NELL1: variants seen among roughly 807,000 people sequenced by gnomAD.
NELL1 encodes neural EGFL like 1, also known as protein kinase C-binding protein NELL1.
Under a neutral mutation model 107.4 loss-of-function variants are expected in NELL1, and 76 were observed. The ratio of observed to expected loss-of-function variants is 0.71; its 90% CI spans 0.59 to 0.86. The LOEUF is 0.86. Among genes scored for constraint, NELL1 ranks in the 40% least tolerant of loss-of-function variants. The probability of loss-of-function intolerance (pLI) is 0.00; values close to 1 mark genes in which losing one functional copy is unlikely to be tolerated. For missense variants in NELL1, 1,024 were observed against 1,005.5 expected, an observed-to-expected ratio of 1.02 and a Z score of -0.25; for synonymous variants, 353 against 341.2, an observed-to-expected ratio of 1.03 and a Z score of -0.38.
intron 14 of NELL1, among the ~76,000 whole-genome samples, chr11:21,301,500 G>T (rs1849491421): frequency 6.6e-6 from 1 of 152,200 alleles, no homozygotes; most frequent in African/African-American, 2.4e-5. Flanking sequence ...GACCAGTGAT[G>T]ATGAGCATTT....
chr11:20,729,543 T>A (rs1855583273), intron 2 of NELL1, among the ~76,000 whole-genome samples: 1 of 152,214 alleles, frequency 6.6e-6, no homozygotes, highest in African/African-American at 2.4e-5. Flanking sequence ...TGGAAAGCTT[T>A]TTCTGTATAT....
chr11:21,028,243 A>G (rs1852866976), intron 12 of NELL1, among the ~76,000 whole-genome samples: 1 of 152,164 alleles, frequency 6.6e-6, no homozygotes, highest in Non-Finnish European at 1.5e-5. Context: ...AAAATAGCAC[A>G]TCAGCATTTT....
chr11:20,940,184 C>T (rs895143143), intron 10 of NELL1, among the ~76,000 whole-genome samples: 2 of 151,876 alleles, frequency 1.3e-5, no homozygotes, highest in African/African-American at 2.4e-5. Context: ...TTCCTCCCTC[C>T]CTCCGTCCCT....
chr11:21,423,650 C>A (rs1384041844), intron 15 of NELL1, among the ~76,000 whole-genome samples: 1 of 152,086 alleles, frequency 6.6e-6, no homozygotes, highest in Non-Finnish European at 1.5e-5. Flanking sequence ...GTGCACGACA[C>A]TTTACTCAAC....
At chr11:21,158,344 T>C (rs1487435361) in intron 13 of NELL1, among the ~76,000 whole-genome samples, 2 of 152,202 alleles carry the variant, frequency 1.3e-5, no homozygotes, top group Non-Finnish European at 2.9e-5. Context: ...TACTCCTCAA[T>C]AAACTCCCTT....
At chr11:21,458,710 C>T (rs7116093) in intron 15 of NELL1, among the ~76,000 whole-genome samples, 110,770 of 151,898 alleles carry the variant, frequency 0.73, 41,482 homozygotes, top group Middle Eastern at 0.87. Context: ...CATTAGAAAA[C>T]TGAGCAATGC....
intron 2 of NELL1, 78 bp from the exon 3 acceptor site, chr11:20,783,602 C>G: frequency 3.0e-6 from 3 of 1,004,278 alleles, no homozygotes; most frequent in South Asian, 4.0e-5. Flanking sequence ...TCTCCTCTTT[C>G]TCCTATATTT....
intron 5 of NELL1, among the ~76,000 whole-genome samples, chr11:20,887,662 C>T (rs1255734716): frequency 2.0e-5 from 3 of 152,140 alleles, no homozygotes; most frequent in Admixed American, 2.0e-4. Context: ...ATAATACTTC[C>T]CAGAGAACTA....
At chr11:21,345,354 A>G (rs911922845) in intron 14 of NELL1, among the ~76,000 whole-genome samples, 1 of 152,210 alleles carries the variant, frequency 6.6e-6, no homozygotes, top group Non-Finnish European at 1.5e-5. Context: ...AGTGTACCCT[A>G]TCCCCACCTT....
intron 2 of NELL1, among the ~76,000 whole-genome samples, chr11:20,718,242 C>T (rs561748968): frequency 1.3e-5 from 2 of 152,244 alleles, no homozygotes; most frequent in Admixed American, 6.5e-5. Flanking sequence ...ACAAGCCACA[C>T]GTGGCTATTG....
chr11:20,872,738 T>C (rs1564944121), intron 4 of NELL1, among the ~76,000 whole-genome samples: 2 of 143,894 alleles, frequency 1.4e-5, no homozygotes, highest in African/African-American at 5.0e-5. Flanking sequence ...AAAGACTTCA[T>C]GGAGAGGGAG....
intron 17 of NELL1, among the ~76,000 whole-genome samples, chr11:21,564,941 G>A (rs1283088336): frequency 6.6e-6 from 1 of 151,830 alleles, no homozygotes; most frequent in Non-Finnish European, 1.5e-5. Context: ...TCTCTTTCTG[G>A]CAAGGAGGAA....
chr11:21,285,203 G>A (rs1204266386), intron 14 of NELL1, among the ~76,000 whole-genome samples: 1 of 152,086 alleles, frequency 6.6e-6, no homozygotes, highest in Non-Finnish European at 1.5e-5. Context: ...AATGAATTGA[G>A]GACATTCTTA....
intron 10 of NELL1, among the ~76,000 whole-genome samples, chr11:20,939,454 T>A (rs1460819212): frequency 6.6e-6 from 1 of 151,928 alleles, no homozygotes; most frequent in Non-Finnish European, 1.5e-5. Flanking sequence ...GGCAAGCACA[T>A]TGCTGCTGTG....
At chr11:20,770,453 T>C (rs1856617962) in intron 2 of NELL1, among the ~76,000 whole-genome samples, 1 of 152,212 alleles carries the variant, frequency 6.6e-6, no homozygotes, top group East Asian at 1.9e-4. Flanking sequence ...GCCTGGAGTT[T>C]CAGGTGACCT....
chr11:21,114,828 A>G (rs1855193039), intron 13 of NELL1, among the ~76,000 whole-genome samples: 1 of 152,042 alleles, frequency 6.6e-6, no homozygotes, highest in African/African-American at 2.4e-5. Flanking sequence ...AGTGTTTTAA[A>G]GGATCAAAAC....
At chr11:20,869,370 T>C (rs993598419) in intron 4 of NELL1, among the ~76,000 whole-genome samples, 5 of 152,226 alleles carry the variant, frequency 3.3e-5, no homozygotes, top group Non-Finnish European at 7.3e-5. Context: ...ATTCTTCAGC[T>C]ATTCCAAACA....
At chr11:20,984,522 T>A (rs1851812667) in intron 12 of NELL1, among the ~76,000 whole-genome samples, 1 of 152,208 alleles carries the variant, frequency 6.6e-6, no homozygotes, top group African/African-American at 2.4e-5. Context: ...TCATTCCCTT[T>A]CTTCTTTCCT....
chr11:21,298,797 C>G (rs1474373118), intron 14 of NELL1, among the ~76,000 whole-genome samples: 1 of 152,006 alleles, frequency 6.6e-6, no homozygotes, highest in Non-Finnish European at 1.5e-5. Flanking sequence ...GCAGCAGCAG[C>G]AGCAACAACA....
Sources: gnomAD v4.1 joint callset for allele counts (sites outside exome capture counted in the v4.1 genomes callset) on GRCh38, gnomAD v4.1.1 for gene constraint, MANE v1.5 for transcripts, NCBI Gene and HGNC (gene_info 2026-07-23, HGNC 2026-07-21) for gene names.